SNAP91: variants seen among roughly 807,000 people sequenced by gnomAD.
SNAP91 encodes the protein synaptosome associated protein 91, also known as clathrin coat assembly protein AP180.
Under a neutral mutation model 100.3 loss-of-function variants are expected in SNAP91, and 27 were observed. The observed-to-expected ratio is 0.27, with a 90% confidence interval of 0.20 to 0.37. SNAP91 has a LOEUF of 0.37. Ranked by LOEUF, SNAP91 falls within the 10% of genes least tolerant of loss-of-function variation. SNAP91 has a pLI of 1.00. For synonymous variants in SNAP91, 404 were observed against 398.6 expected (o/e 1.01, Z -0.16); for missense variants, 986 against 1,123.7 (o/e 0.88, Z 1.75).
chr6:83,577,751 T>C (rs961760972), intron 24 of SNAP91, among the ~76,000 whole-genome samples: 3 of 152,324 alleles, frequency 2.0e-5, no homozygotes, highest in Admixed American at 6.5e-5. Flanking sequence ...ATAATTCACA[T>C]ACCATAAAAT....
At position 83,560,898 on chromosome 6, in the gene SNAP91, G is replaced by A. The variant is rs756260476; in HGVS notation, c.2492C>T (p.Pro831Leu). The change falls in exon 27 of 30, where the codon CCA (proline) becomes CTA (leucine). Residue 831 changes from proline (P) to leucine (L), a missense_variant. Transcript: ENST00000369694. ...TCCTGCTCCAGGTTGTCCAACCGAT[G>A]GGGCCCCGGCAACAGGAGGAACTGA... ...TSSVPPVAGAPSVGQPGAGFG... is the reference protein window; with the variant it reads ...TSSVPPVAGALSVGQPGAGFG... 2.5e-6 allele frequency: 4 copies of A among 1,613,772 alleles called. No homozygotes were observed. The highest frequency in any genetic ancestry group is 3.4e-6 in the Non-Finnish European group (4 of 1,179,820).
At chr6:83,698,683 T>C (rs1396694218) in intron 2 of SNAP91, among the ~76,000 whole-genome samples, 3 of 152,138 alleles carry the variant, frequency 2.0e-5, no homozygotes, top group African/African-American at 7.2e-5. Flanking sequence ...AGCATAGCTT[T>C]CCCCCGATGA....
intron 9 of SNAP91, among the ~76,000 whole-genome samples, chr6:83,620,809 T>A (rs1412511729): frequency 1.3e-5 from 2 of 152,164 alleles, no homozygotes; most frequent in Non-Finnish European, 2.9e-5. Flanking sequence ...CCTCCCGGGT[T>A]CACGCCATTC....
chr6:83,583,608 G>T (rs974461458), intron 22 of SNAP91, among the ~76,000 whole-genome samples: 1 of 152,142 alleles, frequency 6.6e-6, no homozygotes, highest in Non-Finnish European at 1.5e-5. Flanking sequence ...GACACTGGAT[G>T]ATATTCTATT....
At chr6:83,662,810 T>A (rs1379346528) in intron 3 of SNAP91, among the ~76,000 whole-genome samples, 1 of 152,174 alleles carries the variant, frequency 6.6e-6, no homozygotes, top group Non-Finnish European at 1.5e-5. Flanking sequence ...CATTTTTGCT[T>A]AAAAATAGGT....
chr6:83,638,465 A>T (rs746458143), intron 8 of SNAP91, among the ~76,000 whole-genome samples: 2 of 152,106 alleles, frequency 1.3e-5, no homozygotes, highest in Non-Finnish European at 2.9e-5. Context: ...ATTACAAATT[A>T]GGGAAATTAT....
chr6:83,577,350 G>GT lies in SNAP91; in HGVS notation c.2300-1298dup, dbSNP rs201730131. On this transcript the variant is annotated intron_variant, in intron 24 of 29. Coordinates refer to ENST00000369694, the MANE Select transcript of SNAP91 (RefSeq NM_001242792.2). ...ATAAAAATGATTACCCATAATTTTA[G>GT]TTTTTTTAAAAGACAAAATTTATTT... Among the ~76,000 whole-genome samples, 956 of 152,100 alleles carry GT rather than the reference G, an allele frequency of 6.3e-3. 6 individuals are homozygous for GT. Among genetic ancestry groups the GT allele is most frequent in the African/African-American group, 0.022 (923 of 41,492 alleles).
rs61729902 is a variant in SNAP91 at position 83,582,258 on chromosome 6, G to A, written c.2113C>T (p.Pro705Ser). ...AAGGAGCTGCTGCTGGAAGTTGAAG[G>A]CGTTGTCCCAAAAGCTGCCTCAAAA... is the stretch of plus-strand genomic sequence containing the variant. ...PNFEAAFGTT[P>S]STSSSSSFDP... The change falls in exon 23 of 30, where the codon CCT becomes TCT. Residue 705 changes from proline (P) to serine (S), a missense_variant. By Grantham distance (74) the Pro-to-Ser change is moderately conservative. This residue lies in a region of SNAP91 where 575 missense variants were observed against 579.9 expected (regional missense o/e 0.99). Transcript: ENST00000369694. 8.0e-4 allele frequency: 1,290 copies of A among 1,613,570 alleles called. 8 individuals carry two copies. The African/African-American group carries it at 0.013, about 17-fold the overall frequency.
intron 2 of SNAP91, 86 bp downstream of exon 2, chr6:83,707,712 T>C: frequency 1.9e-6 from 3 of 1,551,024 alleles, no homozygotes; most frequent in East Asian, 4.8e-5. Context: ...GGCCACAGCA[T>C]TATGGACCAA....
At chr6:83,674,539 A>G (rs188056481) in intron 2 of SNAP91, among the ~76,000 whole-genome samples, 10 of 152,368 alleles carry the variant, frequency 6.6e-5, no homozygotes, top group African/African-American at 2.4e-4. Context: ...ACAACAAAAC[A>G]CCAAAGAAAA....
At chr6:83,666,638 T>C (rs990997366) in intron 2 of SNAP91, among the ~76,000 whole-genome samples, 8 of 152,262 alleles carry the variant, frequency 5.3e-5, no homozygotes, top group South Asian at 2.1e-4. Context: ...ATTGATATTC[T>C]ACCACTGAAA....
At chr6:83,574,280 C>T (rs1326286663) in intron 26 of SNAP91, among the ~76,000 whole-genome samples, 2 of 152,136 alleles carry the variant, frequency 1.3e-5, no homozygotes, top group African/African-American at 4.8e-5. Flanking sequence ...ATACAGTTTG[C>T]TACTCTGAAA....
chr6:83,609,182 G>C (rs1009536675), intron 12 of SNAP91, among the ~76,000 whole-genome samples: 2 of 151,888 alleles, frequency 1.3e-5, no homozygotes, highest in African/African-American at 2.4e-5. Context: ...GGAGATGTAA[G>C]AGCTAGGAAA....
At chr6:83,651,755 A>G (rs527952403) in intron 7 of SNAP91, among the ~76,000 whole-genome samples, 2 of 152,224 alleles carry the variant, frequency 1.3e-5, no homozygotes, top group African/African-American at 4.8e-5. Context: ...TATGTCCATT[A>G]TATCTAGTTG....
chr6:83,708,312 TGCGTTGGGGTTATTCCCTGGGC>T (rs1562776556), intron 1 of SNAP91: 2 of 186,390 alleles, frequency 1.1e-5, no homozygotes, highest in Admixed American at 1.3e-4. Context: ...AGCCACAACG[TGCGTTGGGGTTATTCCCTGGGC>T]GCCGCACCCA....
chr6:83,667,952 A>G (rs948694072), intron 2 of SNAP91, among the ~76,000 whole-genome samples: 4 of 152,224 alleles, frequency 2.6e-5, no homozygotes, highest in Non-Finnish European at 2.9e-5. Flanking sequence ...GCTAATATCC[A>G]GAATCTACAA....
At chr6:83,571,328 C>T (rs1807276311) in intron 26 of SNAP91, among the ~76,000 whole-genome samples, 1 of 152,146 alleles carries the variant, frequency 6.6e-6, no homozygotes, top group African/African-American at 2.4e-5. Context: ...TGGTCTCGAT[C>T]TTTTGACCTT....
At position 83,595,669 on chromosome 6, in the gene SNAP91, C is replaced by T. The variant is rs552270995; in HGVS notation, c.1325-1188G>A. 3.9e-5 allele frequency among the ~76,000 whole-genome samples: 6 copies of T among 152,216 alleles called. 1 individual carries two copies. Among genetic ancestry groups the T allele is most frequent in the East Asian group, 1.9e-4 (1 of 5,186 alleles). ...CTTTCCATCCCCAAATACTGTCTTCCGCAATATCTACTCATGTTTCCTGGA... is the reference window on the plus strand; with the variant it reads ...CTTTCCATCCCCAAATACTGTCTTCTGCAATATCTACTCATGTTTCCTGGA... On this transcript the variant is annotated intron_variant, in intron 16 of 29. Transcript: ENST00000369694.
In SNAP91 at chr6:83,560,967, T is replaced by C. The variant is rs761207305; in HGVS notation, c.2443-20A>G. ...TCCTTGCTACACAGATAGACAGACA[T>C]ACACATATAAATAACACAAAAACAC... On this transcript the variant is annotated intron_variant, in intron 26 of 29. Transcript: ENST00000369694. 54 of 1,543,528 alleles carry C rather than the reference T, an allele frequency of 3.5e-5. No homozygotes were observed. The highest frequency in any genetic ancestry group is 4.7e-5 in the Non-Finnish European group (54 of 1,138,700).
Sources: gnomAD v4.1 joint callset for allele counts (sites outside exome capture counted in the v4.1 genomes callset) on GRCh38, gnomAD v4.1.1 for gene constraint, gnomAD v4.1.1 regional missense constraint, MANE v1.5 for transcripts, NCBI Gene and HGNC (gene_info 2026-07-23, HGNC 2026-07-21) for gene names.